Variants in GAPDH observed in about 807,000 individuals in gnomAD.
The protein encoded by GAPDH is OCAS, p38 component.
A neutral mutation model predicts 31.2 loss-of-function variants in GAPDH; 13 were observed. The observed-to-expected ratio is 0.42, with a 90% CI of 0.27 to 0.66. The LOEUF (loss-of-function observed/expected upper bound fraction) is 0.66. GAPDH is among the 30% of genes least tolerant of loss of function. The pLI, the probability that GAPDH is intolerant of heterozygous loss-of-function variation, is 0.26. For synonymous variants in GAPDH, 211 were observed against 166.9 expected (o/e 1.26, Z -2.04); for missense variants, 300 against 443.7 (o/e 0.68, Z 2.91).
Position 6,537,853 on chromosome 12 carries a change from G to T in GAPDH, c.795G>T (p.Ala265=). ...ACATCAAGAAGGTGGTGAAGCAGGC[G>T]TCGGAGGGCCCCCTCAAGGGCATCC... ...YDDIKKVVKQ[A]SEGPLKGILG... The change falls in exon 8 of 9, where the codon GCG becomes GCT. Residue 265 remains alanine (A), a synonymous_variant. Transcript: ENST00000229239. This position sits in a 1 kb window ranked among gnomAD's most constrained non-coding sequence, Gnocchi z 4.9. 1 of 1,612,790 alleles carries T rather than the reference G, an allele frequency of 6.2e-7. No individual in the cohort carries two copies. The highest frequency in any genetic ancestry group is 8.5e-7 in the Non-Finnish European group (1 of 1,179,964).
rs758897659 is a variant in GAPDH at position 6,537,142 on chromosome 12, C to T, written c.369C>T (p.Ala123=). The T allele has an allele frequency of 2.2e-5, 35 of 1,613,734 alleles. 1 individual carries two copies. Among genetic ancestry groups the T allele is most frequent in the Admixed American group, 1.7e-5 (1 of 59,994 alleles). The stretch of plus-strand genomic sequence containing the variant: ...GAGCCAAAAGGGTCATCATCTCTGC[C>T]CCCTCTGCTGATGCCCCCATGTTCG... ...QGGAKRVIIS[A]PSADAPMFVM... The change falls in exon 6 of 9, where the codon GCC becomes GCT. Residue 123 remains alanine, a synonymous_variant. Transcript: ENST00000229239. The surrounding 1 kb of genome is among the most constrained non-coding windows in gnomAD (Gnocchi z 4.9).
chr12:6,535,895 C>T (rs1053638195), intron 2 of GAPDH, among the ~76,000 whole-genome samples: 2 of 150,416 alleles, frequency 1.3e-5, no homozygotes, highest in Non-Finnish European at 3.0e-5. Context: ...ATGCACTTAC[C>T]TGTGCTCCCA....
intron 2 of GAPDH, 51 bp from the exon 3 acceptor site, chr12:6,536,441 CAT>C: frequency 1.5e-6 from 2 of 1,336,322 alleles, no homozygotes; most frequent in East Asian, 2.3e-5. Context: ...GGGCTGCTCA[CAT>C]ATTCTGGAGG....
In GAPDH at chr12:6,534,527, C is replaced by G; in HGVS notation, c.-66C>G. 4.2e-6 allele frequency: 2 copies of G among 470,968 alleles called. No individual in the cohort carries two copies. Among genetic ancestry groups the G allele is most frequent in the Non-Finnish European group, 7.7e-6 (2 of 259,628 alleles). The allele number at this position is 470,968 out of a possible 1,614,324, so 29.2% of individuals were successfully genotyped here. A position where few individuals can be genotyped will look rare whatever the true frequency, so the allele number is the denominator to read the frequency against. On this transcript the variant is annotated 5_prime_UTR_variant, in exon 1 of 9. Transcript: ENST00000229239. ...GCAGCCTCCCGCTTCGCTCTCTGCT[C>G]CTCCTGTTCGACAGTCAGCCGCATC...
chr12:6,538,324 A>T lies in GAPDH; in HGVS notation c.*154A>T. 3 of 646,290 alleles carry T rather than the reference A, an allele frequency of 4.6e-6. No homozygotes were observed. The highest frequency in any genetic ancestry group is 5.5e-6 in the Non-Finnish European group (2 of 365,360). The allele number at this position is 646,290 out of a possible 1,614,324, so 40.0% of individuals were successfully genotyped here. A position where few individuals can be genotyped will look rare whatever the true frequency, so the allele number is the denominator to read the frequency against. On this transcript the variant is annotated 3_prime_UTR_variant, in exon 9 of 9. Coordinates refer to ENST00000229239, the MANE Select transcript of GAPDH (RefSeq NM_002046.7). Reference sequence around the variant, plus strand: ...CCTTGAAGAGGGGAGGGGCCTAGGGAGCCGCACCTTGTCATGTACCATCAA... The same window carrying T: ...CCTTGAAGAGGGGAGGGGCCTAGGGTGCCGCACCTTGTCATGTACCATCAA...
At position 6,537,053 on chromosome 12, in the gene GAPDH, CTGCAA is replaced by C; in HGVS notation, c.327+44_328-43del. 2 of 1,608,326 alleles carry C rather than the reference CTGCAA, an allele frequency of 1.2e-6. No homozygotes were observed. Among genetic ancestry groups the C allele is most frequent in the Non-Finnish European group, 1.7e-6 (2 of 1,177,232 alleles). ...CGCGGGAGGGGAAGCTGACTCAGCC[CTGCAA>C]AGGCAGGACCCGGGTTCATAACTGT... On this transcript the variant is annotated intron_variant, in intron 5 of 8. Transcript: ENST00000229239. This position sits in a 1 kb window ranked among gnomAD's most constrained non-coding sequence, Gnocchi z 4.9.
At chr12:6,536,350 A>T (rs762649927) in intron 2 of GAPDH, 144 bp from the exon 3 acceptor site, 30 of 662,008 alleles carry the variant, frequency 4.5e-5, no homozygotes, top group Non-Finnish European at 7.0e-5. Flanking sequence ...GGGAAGCTCA[A>T]GGGAGATAAA....
chr12:6,536,474 T>C lies in GAPDH; in HGVS notation c.30-20T>C, dbSNP rs767155942. ...GGAGGAGCCTCCCCTCCTCATGCCT[T>C]CTTGCCTCTTGTCTCTTAGATTTGG... On this transcript the variant is annotated intron_variant, in intron 2 of 8. Coordinates refer to ENST00000229239, the MANE Select transcript of GAPDH (RefSeq NM_002046.7). The C allele has an allele frequency of 6.3e-7, 1 of 1,592,130 alleles. No homozygotes were observed. The highest frequency in any genetic ancestry group is 8.6e-7 in the Non-Finnish European group (1 of 1,160,450).
chr12:6,537,583 G>C lies in GAPDH; in HGVS notation c.526-1G>C. The C allele has an allele frequency of 6.2e-7, 1 of 1,610,422 alleles. No homozygotes were observed. The highest frequency in any genetic ancestry group is 8.5e-7 in the Non-Finnish European group (1 of 1,178,640). ...GCTGCAGGGCCTCACTCCTTTTGCA[G>C]ACCACAGTCCATGCCATCACTGCCA... On this transcript the variant is annotated splice_acceptor_variant, in intron 7 of 8. Coordinates refer to ENST00000229239, the MANE Select transcript of GAPDH (RefSeq NM_002046.7). LOFTEE classifies it high-confidence loss of function. This position sits in a 1 kb window ranked among gnomAD's most constrained non-coding sequence, Gnocchi z 4.9.
intron 2 of GAPDH, among the ~76,000 whole-genome samples, chr12:6,535,677 C>T (rs1257558263): frequency 2.6e-5 from 4 of 152,106 alleles, no homozygotes; most frequent in African/African-American, 9.7e-5. Context: ...GCCAGCCTAG[C>T]GTTGACCCGA....
At position 6,534,529 on chromosome 12, in the gene GAPDH, T is replaced by G. The variant is rs1237587490; in HGVS notation, c.-64T>G. ...AGCCTCCCGCTTCGCTCTCTGCTCC[T>G]CCTGTTCGACAGTCAGCCGCATCTT... is the stretch of plus-strand genomic sequence containing the variant. On this transcript the variant is annotated 5_prime_UTR_variant, in exon 1 of 9. Transcript: ENST00000229239. The G allele has an allele frequency of 2.1e-6, 1 of 473,376 alleles. No homozygotes were observed. The highest frequency in any genetic ancestry group is 3.8e-6 in the Non-Finnish European group (1 of 261,162). The allele number at this position is 473,376 out of a possible 1,614,324, so 29.3% of individuals were successfully genotyped here. A position where few individuals can be genotyped will look rare whatever the true frequency, so the allele number is the denominator to read the frequency against.
intron 4 of GAPDH, 34 bp downstream of exon 4, chr12:6,536,824 TGGG>T (rs1946479024): frequency 6.3e-7 from 1 of 1,597,572 alleles, no homozygotes; most frequent in Admixed American, 1.7e-5. Context: ...AAATGTGCTT[TGGG>T]GAGGCAACTA....
chr12:6,535,267 CG>C (rs1288690761), intron 2 of GAPDH: 28 of 1,024,862 alleles, frequency 2.7e-5, no homozygotes, highest in Non-Finnish European at 3.2e-5. Flanking sequence ...CATCCCTGTC[CG>C]GATGCTGCGC....
At position 6,536,967 on chromosome 12, in the gene GAPDH, T is replaced by C; in HGVS notation, c.284T>C (p.Val95Ala). Residue 95 changes from valine (V) to alanine (A), a missense_variant, in exon 5 of 9, where the codon GTC becomes GCC. Val to Ala is a moderately conservative substitution (Grantham distance 64). Coordinates refer to ENST00000229239, the MANE Select transcript of GAPDH (RefSeq NM_002046.7). ...TGGGGCGATGCTGGCGCTGAGTACG[T>C]CGTGGAGTCCACTGGCGTCTTCACC... is the stretch of plus-strand genomic sequence containing the variant. ...IKWGDAGAEY[V>A]VESTGVFTTM... The C allele has an allele frequency of 1.2e-6, 2 of 1,613,556 alleles. No homozygotes were observed.
At chr12:6,535,216 TC>T in intron 2 of GAPDH, 2 of 1,098,682 alleles carry the variant, frequency 1.8e-6, no homozygotes, top group Non-Finnish European at 2.2e-6. Flanking sequence ...CCCCACGGCC[TC>T]CGGCACCGCA....
chr12:6,534,637 C>A, intron 1 of GAPDH, 68 bp downstream of exon 1: 1 of 648,660 alleles, frequency 1.5e-6, no homozygotes, highest in Non-Finnish European at 2.7e-6. Flanking sequence ...CGGGCGCAGG[C>A]CGGATGTGTT....
rs1482598394 is a variant in GAPDH, at chr12:6,534,922, G to T, written c.29+61G>T. 4.5e-6 allele frequency: 7 copies of T among 1,572,246 alleles called. No individual in the cohort carries two copies. The African/African-American group carries it at 8.1e-5, about 18-fold the overall frequency. On this transcript the variant is annotated intron_variant, in intron 2 of 8. Coordinates refer to ENST00000229239, the MANE Select transcript of GAPDH (RefSeq NM_002046.7). ...GACCGCCCCCGAACCGCGTCTACGA[G>T]CCTTGCGGGCTCCGGGTCTTTGCAG...
At chr12:6,536,018 C>A (rs1399766696) in intron 2 of GAPDH, among the ~76,000 whole-genome samples, 1 of 152,198 alleles carries the variant, frequency 6.6e-6, no homozygotes, top group African/African-American at 2.4e-5. Flanking sequence ...CAGTCTCTGT[C>A]CCTTTTGTAG....
intron 2 of GAPDH, chr12:6,535,270 A>G (rs1489751885): frequency 9.8e-7 from 1 of 1,023,082 alleles, no homozygotes; most frequent in Non-Finnish European, 1.2e-6. Flanking sequence ...CCCTGTCCGG[A>G]TGCTGCGCCT....
Sources: gnomAD v4.1 joint callset for allele counts (sites outside exome capture counted in the v4.1 genomes callset) on GRCh38, gnomAD v4.1.1 for gene constraint, Gnocchi (gnomAD v3.1) non-coding constraint, MANE v1.5 for transcripts, NCBI Gene and HGNC (gene_info 2026-07-23, HGNC 2026-07-21) for gene names.